Variants in CAND1 observed in about 807,000 individuals in gnomAD.
The protein encoded by CAND1 is cullin associated and neddylation dissociated 1, also known as cullin-associated NEDD8-dissociated protein 1.
In CAND1, 7 loss-of-function variants were observed where a neutral mutation model predicts 108.5. The observed-to-expected ratio is 0.06, with a 90% CI of 0.04 to 0.12. The LOEUF is 0.12. Among genes scored for constraint, CAND1 ranks in the 10% least tolerant of loss-of-function variants. The pLI is 1.00. For synonymous variants in CAND1, 534 were observed against 512.0 expected (o/e 1.04, Z -0.58); for missense variants, 941 against 1,448.7 (o/e 0.65, Z 5.69).
chr12:67,311,653 T>C, intron 13 of CAND1, 40 bp from the exon 14 acceptor site: 2 of 1,161,146 alleles, frequency 1.7e-6, no homozygotes, highest in Non-Finnish European at 2.5e-6. Flanking sequence ...TTTTAGAAAA[T>C]GATGTCAAAT....
Position 67,304,633 on chromosome 12 carries a change from A to T in CAND1, c.1322A>T (p.Lys441Ile), listed in dbSNP as rs2044860077. The change falls in exon 9 of 15, where the codon AAA (lysine) becomes ATA (isoleucine). Residue 441 changes from lysine (K) to isoleucine (I), a missense_variant. Around this residue, in one of 9 missense-constraint regions of CAND1, gnomAD observed 697 missense variants for 942.0 expected, o/e 0.74. Transcript: ENST00000545606. ...QVPNIVKALH[K>I]QMKEKSVKTR... ...CCCAACATTGTTAAAGCTCTTCACA[A>T]ACAGATGAAAGAAAAAAGTGTGAAG... 6.2e-7 allele frequency: 1 copy of T among 1,613,710 alleles called. No individual in the cohort carries two copies. Among genetic ancestry groups the T allele is most frequent in the African/African-American group, 1.3e-5 (1 of 74,896 alleles).
At chr12:67,292,599 A>C in intron 2 of CAND1, 23 bp from the exon 3 acceptor site, 1 of 1,558,070 alleles carries the variant, frequency 6.4e-7, no homozygotes, top group South Asian at 1.2e-5. Context: ...CTTTTTTTAA[A>C]CAATTTCTTC....
At chr12:67,273,892 C>T (rs1251714402) in intron 1 of CAND1, among the ~76,000 whole-genome samples, 2 of 152,114 alleles carry the variant, frequency 1.3e-5, no homozygotes, top group Non-Finnish European at 2.9e-5. Context: ...TTAATGCTTA[C>T]TGTGAGCTTG....
In CAND1 at chr12:67,317,390, T is replaced by A. The variant is rs2045017458; in HGVS notation, c.*4560T>A. The A allele has an allele frequency of 6.6e-6, 1 of 152,008 alleles. No homozygotes were observed. 9.4% of individuals were successfully genotyped at this position (152,008 alleles called of 1,614,324 possible). A position where few individuals can be genotyped will look rare whatever the true frequency, so the allele number is the denominator to read the frequency against. ...GGGCTCAAGCAATCCTGTGTTGGCC[T>A]CCTAAACTGCTGAGATTATTGCAAG... On this transcript the variant is annotated 3_prime_UTR_variant, in exon 15 of 15. Transcript: ENST00000545606.
intron 2 of CAND1, among the ~76,000 whole-genome samples, chr12:67,291,530 T>A (rs781318401): frequency 2.0e-5 from 3 of 152,180 alleles, no homozygotes; most frequent in Non-Finnish European, 4.4e-5. Context: ...TTTGGAATAT[T>A]TGCATATACA....
In CAND1 at chr12:67,319,847, T is replaced by C. The variant is rs958164811; in HGVS notation, c.*7017T>C. 2 of 152,228 alleles carry C rather than the reference T, an allele frequency of 1.3e-5. No individual in the cohort carries two copies. Among genetic ancestry groups the C allele is most frequent in the African/African-American group, 4.8e-5 (2 of 41,474 alleles). 9.4% of individuals were successfully genotyped at this position (152,228 alleles called of 1,614,324 possible). A position where few individuals can be genotyped will look rare whatever the true frequency, so the allele number is the denominator to read the frequency against. On this transcript the variant is annotated 3_prime_UTR_variant, in exon 15 of 15. Transcript: ENST00000545606. ...AAATTTGTCAGAATTTCCAAAATTCTTGGGCCTTCCTTCTTGCTCTATATA... is the reference window on the plus strand; with the variant it reads ...AAATTTGTCAGAATTTCCAAAATTCCTGGGCCTTCCTTCTTGCTCTATATA...
At chr12:67,290,336 C>A (rs1370500511) in intron 2 of CAND1, among the ~76,000 whole-genome samples, 2 of 151,982 alleles carry the variant, frequency 1.3e-5, no homozygotes, top group Admixed American at 6.6e-5. Context: ...CATGGTGAAA[C>A]CCCGTCTCTA....
intron 1 of CAND1, among the ~76,000 whole-genome samples, chr12:67,276,385 G>A (rs2044569725): frequency 1.3e-5 from 2 of 152,160 alleles, no homozygotes; most frequent in East Asian, 1.9e-4. Flanking sequence ...ATCCTGACAC[G>A]AGTTGGGTTT....
At chr12:67,302,705 T>C in intron 8 of CAND1, 90 bp downstream of exon 8, 1 of 1,151,988 alleles carries the variant, frequency 8.7e-7, no homozygotes, top group Non-Finnish European at 1.2e-6. Flanking sequence ...TTCCAGAATA[T>C]CTATAGAGAA....
At chr12:67,300,933 C>T (rs185236644) in intron 7 of CAND1, among the ~76,000 whole-genome samples, 1 of 152,198 alleles carries the variant, frequency 6.6e-6, no homozygotes, top group Admixed American at 6.5e-5. Context: ...TGCTTTATCA[C>T]TTAGTATGAA....
At chr12:67,306,724 G>A (rs2136018468) in intron 10 of CAND1, 127 bp downstream of exon 10, 2 of 683,392 alleles carry the variant, frequency 2.9e-6, no homozygotes, top group East Asian at 5.4e-5. Context: ...ATGTGATGAA[G>A]AAAAACTGTC....
In CAND1 at chr12:67,305,778, A is replaced by G. The variant is rs200709593; in HGVS notation, c.2110A>G (p.Ser704Gly). Residue 704 changes from serine to glycine, a missense_variant, in exon 10 of 15, where the codon AGT becomes GGT. By Grantham distance (56) the Ser-to-Gly change is moderately conservative. This residue lies in a region of CAND1 where 697 missense variants were observed against 942.0 expected (regional missense o/e 0.74). Transcript: ENST00000545606. This position sits in a 1 kb window ranked among gnomAD's most constrained non-coding sequence, Gnocchi z 4.4. ...LDELPPLISE[S>G]DMHVSQMAIS... The stretch of plus-strand genomic sequence containing the variant: ...TGAGCTCCCACCTCTTATCAGCGAA[A>G]GTGATATGCATGTTTCACAAATGGC... 1 of 1,614,184 alleles carries G rather than the reference A, an allele frequency of 6.2e-7. No individual in the cohort carries two copies. Among genetic ancestry groups the G allele is most frequent in the East Asian group, 2.2e-5 (1 of 44,890 alleles).
chr12:67,311,743 A>G lies in CAND1; in HGVS notation c.3411A>G (p.Ala1137=), dbSNP rs778641245. The G allele has an allele frequency of 7.4e-6, 12 of 1,612,374 alleles. No homozygotes were observed. Among genetic ancestry groups the G allele is most frequent in the Non-Finnish European group, 9.3e-6 (11 of 1,178,506 alleles). The change falls in exon 14 of 15, where the codon GCA becomes GCG. Residue 1137 remains alanine, a synonymous_variant. Coordinates refer to ENST00000545606, the MANE Select transcript of CAND1 (RefSeq NM_018448.5). ...LVRLSTLCPS[A]VLQRLDRLVE... ...GACTGTCTACCCTTTGTCCAAGTGC[A>G]GTACTGCAGAGGTTGGACCGACTTG...
chr12:67,284,737 AG>A (rs1366979183), intron 2 of CAND1, among the ~76,000 whole-genome samples: 1 of 151,842 alleles, frequency 6.6e-6, no homozygotes, highest in Non-Finnish European at 1.5e-5. Flanking sequence ...AACTTTCTTC[AG>A]CCCATGCACA....
chr12:67,284,369 A>T (rs1178171426), intron 2 of CAND1, among the ~76,000 whole-genome samples: 1 of 148,738 alleles, frequency 6.7e-6, no homozygotes, highest in African/African-American at 2.6e-5. Context: ...ACTGTGACTA[A>T]GATTTTAAGG....
intron 2 of CAND1, among the ~76,000 whole-genome samples, chr12:67,291,562 G>A (rs1310149071): frequency 6.6e-6 from 1 of 152,070 alleles, no homozygotes; most frequent in Non-Finnish European, 1.5e-5. Flanking sequence ...CTTGGGGATG[G>A]AACCCAAGTC....
At position 67,315,338 on chromosome 12, in the gene CAND1, T is replaced by A. The variant is rs1028015248; in HGVS notation, c.*2508T>A. ...GCGTGGTGGCAGACGCCTGTAGTCC[T>A]AGCTGCTACAGCTGAGGCAGGAGAA... On this transcript the variant is annotated 3_prime_UTR_variant, in exon 15 of 15. Coordinates refer to ENST00000545606, the MANE Select transcript of CAND1 (RefSeq NM_018448.5). The A allele has an allele frequency of 1.3e-5, 2 of 151,684 alleles. No homozygotes were observed. Among genetic ancestry groups the A allele is most frequent in the African/African-American group, 4.9e-5 (2 of 41,070 alleles). The allele number at this position is 151,684 out of a possible 1,614,324, so 9.4% of individuals were successfully genotyped here. A position where few individuals can be genotyped will look rare whatever the true frequency, so the allele number is the denominator to read the frequency against.
Position 67,311,603 on chromosome 12 carries a change from T to C in CAND1, c.3361-90T>C, listed in dbSNP as rs1406746512. ...AGGAAGGTTTACTTTGCATGCTAGT[T>C]ATTTTCCTTTAAAGGATTTGTCAGA... On this transcript the variant is annotated intron_variant, in intron 13 of 14. Coordinates refer to ENST00000545606, the MANE Select transcript of CAND1 (RefSeq NM_018448.5). The C allele has an allele frequency of 1.1e-5, 9 of 786,266 alleles. No individual in the cohort carries two copies. In the Admixed American group the frequency reaches 1.8e-4, roughly 16 times the overall value. The allele number at this position is 786,266 out of a possible 1,614,324, so 48.7% of individuals were successfully genotyped here.
intron 2 of CAND1, among the ~76,000 whole-genome samples, chr12:67,287,470 A>G (rs966256454): frequency 6.6e-6 from 1 of 152,170 alleles, no homozygotes; most frequent in Non-Finnish European, 1.5e-5. Context: ...TAGTCTTTCA[A>G]CCATGAACCA....
Sources: gnomAD v4.1 joint callset for allele counts (sites outside exome capture counted in the v4.1 genomes callset) on GRCh38, gnomAD v4.1.1 for gene constraint, gnomAD v4.1.1 regional missense constraint, Gnocchi (gnomAD v3.1) non-coding constraint, MANE v1.5 for transcripts, NCBI Gene and HGNC (gene_info 2026-07-23, HGNC 2026-07-21) for gene names.